The following PACSIN2 variants were observed in gnomAD, a reference collection of about 807,000 sequenced individuals.
PACSIN2 encodes protein kinase C and casein kinase substrate in neurons 2.
A neutral mutation model predicts 63.8 loss-of-function variants in PACSIN2; 25 were observed. The ratio of observed to expected loss-of-function variants is 0.39; its 90% CI spans 0.29 to 0.55. PACSIN2 has a LOEUF of 0.55. PACSIN2 is among the 20% of genes least tolerant of loss of function. The pLI, the probability that PACSIN2 is intolerant of heterozygous loss-of-function variation, is 0.62. For missense variants in PACSIN2, 518 were observed against 646.9 expected (o/e 0.80, Z 2.16); for synonymous variants, 255 against 256.2 (o/e 1.00, Z 0.05).
chr22:42,932,847 G>GC (rs1417871865), intron 1 of PACSIN2, among the ~76,000 whole-genome samples: 1 of 151,692 alleles, frequency 6.6e-6, no homozygotes, highest in Non-Finnish European at 1.5e-5. Context: ...CTCCTGGGCA[G>GC]CCCCCAGGAC....
chr22:43,014,367 ACC>A lies in PACSIN2; in HGVS notation c.-78+652_-78+653del, dbSNP rs1160186769. Among the ~76,000 whole-genome samples, 29 of 9,486 alleles carry A rather than the reference ACC, an allele frequency of 3.1e-3. 1 individual carries two copies. Among genetic ancestry groups the A allele is most frequent in the Middle Eastern group, 0.1 (1 of 10 alleles). The allele number at this position is 9,486 out of a possible 152,430, so 6.2% of individuals were successfully genotyped here. On this transcript the variant is annotated intron_variant, in intron 1 of 10. Coordinates refer to ENST00000263246, the MANE Select transcript of PACSIN2 (RefSeq NM_001184970.3). ...ACACACACACAGACACACACACACC[ACC>A]CCCCCCCCCCCGGGACACGGAGGGT...
At chr22:42,877,064 G>C in intron 8 of PACSIN2, 54 bp from the exon 9 acceptor site, 2 of 1,598,994 alleles carry the variant, frequency 1.3e-6, no homozygotes, top group Non-Finnish European at 1.7e-6. Flanking sequence ...GCCCGTGAGG[G>C]TCCTGGCAAC....
intron 9 of PACSIN2, 81 bp downstream of exon 9, chr22:42,876,807 G>A: frequency 6.4e-7 from 1 of 1,572,454 alleles, no homozygotes; most frequent in Admixed American, 1.7e-5. Flanking sequence ...CGAGTGCCGA[G>A]GGGTGAGACC....
chr22:42,914,081 T>C (rs970674223), intron 1 of PACSIN2, among the ~76,000 whole-genome samples: 2 of 152,244 alleles, frequency 1.3e-5, no homozygotes, highest in Non-Finnish European at 2.9e-5. Flanking sequence ...TGCACGCTCC[T>C]AACCAGGCTC....
intron 6 of PACSIN2, 82 bp downstream of exon 6, chr22:42,884,304 T>C: frequency 7.4e-7 from 1 of 1,345,716 alleles, no homozygotes; most frequent in Non-Finnish European, 1.0e-6. Flanking sequence ...ATCCCAAACC[T>C]GGGAGCAGCA....
intron 1 of PACSIN2, among the ~76,000 whole-genome samples, chr22:42,939,040 T>A (rs1030186241): frequency 3.3e-5 from 5 of 152,168 alleles, no homozygotes; most frequent in African/African-American, 1.2e-4. Flanking sequence ...ACCTGGGCTA[T>A]CAGAATCAGC....
At chr22:42,980,643 C>T (rs1328572250) in intron 1 of PACSIN2, among the ~76,000 whole-genome samples, 2 of 123,784 alleles carry the variant, frequency 1.6e-5, no homozygotes, top group African/African-American at 6.2e-5. Flanking sequence ...CGCGCCGCCA[C>T]GCCTGACTGG....
At chr22:42,964,532 G>C (rs1204063040) in intron 1 of PACSIN2, among the ~76,000 whole-genome samples, 3 of 152,098 alleles carry the variant, frequency 2.0e-5, no homozygotes, top group Non-Finnish European at 2.9e-5. Flanking sequence ...TCCCTAGCAG[G>C]CTAAAACTAA....
At chr22:42,943,703 T>G (rs1375628358) in intron 1 of PACSIN2, among the ~76,000 whole-genome samples, 3 of 152,168 alleles carry the variant, frequency 2.0e-5, no homozygotes, top group East Asian at 1.9e-4. Flanking sequence ...CATTATATAT[T>G]TTGATGAATT....
chr22:42,896,338 G>A (rs1300511176), intron 2 of PACSIN2, among the ~76,000 whole-genome samples: 2 of 152,042 alleles, frequency 1.3e-5, no homozygotes, highest in Non-Finnish European at 2.9e-5. Context: ...ATCTACGTCA[G>A]AAGGTCACTC....
intron 1 of PACSIN2, among the ~76,000 whole-genome samples, chr22:43,010,267 G>C (rs1047530098): frequency 6.6e-6 from 1 of 151,252 alleles, no homozygotes; most frequent in Non-Finnish European, 1.5e-5. Context: ...GGCCAGGTGT[G>C]GTAGCTCACA....
At chr22:42,983,723 A>T (rs1281967245) in intron 1 of PACSIN2, among the ~76,000 whole-genome samples, 2 of 152,126 alleles carry the variant, frequency 1.3e-5, no homozygotes, top group African/African-American at 4.8e-5. Flanking sequence ...CAGCCTCCTG[A>T]GTAGCTGGGA....
chr22:42,917,850 C>A (rs1038224601), intron 1 of PACSIN2, among the ~76,000 whole-genome samples: 1 of 152,030 alleles, frequency 6.6e-6, no homozygotes, highest in Non-Finnish European at 1.5e-5. Context: ...GCCTTTAACT[C>A]CTGGGCTCAA....
chr22:42,894,051 G>A (rs1270299854), intron 2 of PACSIN2, among the ~76,000 whole-genome samples: 1 of 152,040 alleles, frequency 6.6e-6, no homozygotes, highest in Non-Finnish European at 1.5e-5. Context: ...AATCATAGCT[G>A]TAAAAACTTT....
At chr22:42,906,827 T>C (rs1052635744) in intron 2 of PACSIN2, among the ~76,000 whole-genome samples, 2 of 152,204 alleles carry the variant, frequency 1.3e-5, no homozygotes, top group African/African-American at 2.4e-5. Flanking sequence ...ACATTTTGTG[T>C]GTAACATCGG....
chr22:42,889,684 G>A lies in PACSIN2; in HGVS notation c.454-886C>T, dbSNP rs560958224. Among the ~76,000 whole-genome samples the A allele has an allele frequency of 4.6e-5, 7 of 152,156 alleles. No individual in the cohort carries two copies. In the South Asian group the frequency reaches 1.0e-3, roughly 23 times the overall value. On this transcript the variant is annotated intron_variant, in intron 4 of 10. Transcript: ENST00000263246. ...GGGTGTTGGGGGTGGCACATCTACCGTCTACTCCATTCCAGCTAGGAATGG... is the reference window on the plus strand; with the variant it reads ...GGGTGTTGGGGGTGGCACATCTACCATCTACTCCATTCCAGCTAGGAATGG...
intron 2 of PACSIN2, among the ~76,000 whole-genome samples, chr22:42,896,523 A>G (rs1569237561): frequency 6.6e-6 from 1 of 152,210 alleles, no homozygotes; most frequent in Non-Finnish European, 1.5e-5. Flanking sequence ...GTTTATCCAT[A>G]TTCTTCCTGC....
At chr22:42,902,640 T>A (rs2267464) in intron 2 of PACSIN2, among the ~76,000 whole-genome samples, 1 of 151,856 alleles carries the variant, frequency 6.6e-6, no homozygotes, top group Non-Finnish European at 1.5e-5. Flanking sequence ...TCGCTCTGTC[T>A]TCCAGGCTGG....
At chr22:42,909,529 A>G in intron 2 of PACSIN2, 1 of 471,102 alleles carries the variant, frequency 2.1e-6, no homozygotes, top group South Asian at 1.5e-5. Flanking sequence ...CGTCATGGAG[A>G]AGGCGGACGA....
Sources: gnomAD v4.1 joint callset for allele counts (sites outside exome capture counted in the v4.1 genomes callset) on GRCh38, gnomAD v4.1.1 for gene constraint, MANE v1.5 for transcripts, NCBI Gene and HGNC (gene_info 2026-07-23, HGNC 2026-07-21) for gene names.